CRYBG1: variants seen among roughly 807,000 people sequenced by gnomAD.
CRYBG1 encodes crystallin beta-gamma domain containing 1.
A neutral mutation model predicts 189.2 loss-of-function variants in CRYBG1; 139 were observed. The ratio of observed to expected loss-of-function variants is 0.73; its 90% CI spans 0.64 to 0.85. The LOEUF (loss-of-function observed/expected upper bound fraction) is 0.85. Ranked by LOEUF, CRYBG1 falls within the 40% of genes least tolerant of loss-of-function variation. The probability of loss-of-function intolerance (pLI) is 0.00; values close to 1 mark genes in which losing one functional copy is unlikely to be tolerated. For missense variants in CRYBG1, 2,611 were observed against 2,675.8 expected (o/e 0.98, Z 0.53); for synonymous variants, 1,023 against 1,017.1 (o/e 1.01, Z -0.11).
chr6:106,458,440 G>A (rs1324006214), intron 2 of CRYBG1, among the ~76,000 whole-genome samples: 2 of 151,996 alleles, frequency 1.3e-5, no homozygotes, highest in Non-Finnish European at 2.9e-5. Context: ...CCCCTGTGTT[G>A]CCACTTACCT....
Position 106,360,871 on chromosome 6 carries a change from C to A in CRYBG1, c.-38C>A. On this transcript the variant is annotated 5_prime_UTR_variant, in exon 1 of 22. Coordinates refer to ENST00000633556, the MANE Select transcript of CRYBG1 (RefSeq NM_001371242.2). The stretch of plus-strand genomic sequence containing the variant: ...CATAGGGCCCGGGCGGCAGAGAGGA[C>A]CGCGTCCCGGCAGTCGGAGCGGGAG... 6.7e-7 allele frequency: 1 copy of A among 1,503,556 alleles called. No homozygotes were observed. Among genetic ancestry groups the A allele is most frequent in the East Asian group, 2.5e-5 (1 of 39,610 alleles). 93.1% of individuals were successfully genotyped at this position (1,503,556 alleles called of 1,614,324 possible).
chr6:106,447,518 T>G (rs954924455), intron 1 of CRYBG1, among the ~76,000 whole-genome samples: 5 of 148,184 alleles, frequency 3.4e-5, no homozygotes. Context: ...TTATTACACT[T>G]TGAATGCTTG....
rs143572559 is a variant in CRYBG1 at position 106,572,014 on chromosome 6, A to C, written c.*3448A>C. ...TTTTTATTTAAACAACATTAATTAC[A>C]GTCTTTCCTCGTGCGTGTCCTCTTT... is the stretch of plus-strand genomic sequence containing the variant. On this transcript the variant is annotated 3_prime_UTR_variant, in exon 22 of 22. Coordinates refer to ENST00000633556, the MANE Select transcript of CRYBG1 (RefSeq NM_001371242.2). 5 of 1,612,092 alleles carry C rather than the reference A, an allele frequency of 3.1e-6. No homozygotes were observed. Among genetic ancestry groups the C allele is most frequent in the Non-Finnish European group, 4.2e-6 (5 of 1,178,386 alleles).
chr6:106,442,322 G>A (rs1270849135), intron 1 of CRYBG1, among the ~76,000 whole-genome samples: 1 of 152,302 alleles, frequency 6.6e-6, no homozygotes, highest in East Asian at 1.9e-4. Flanking sequence ...ATTAACTAAG[G>A]CAGACGAGTT....
intron 2 of CRYBG1, among the ~76,000 whole-genome samples, chr6:106,496,143 G>A (rs1772846284): frequency 6.6e-6 from 1 of 152,108 alleles, no homozygotes; most frequent in South Asian, 2.1e-4. Context: ...TGGAGACACT[G>A]GGCTTCTTAC....
intron 9 of CRYBG1, among the ~76,000 whole-genome samples, chr6:106,540,093 G>C (rs564676374): frequency 6.6e-6 from 1 of 152,256 alleles, no homozygotes; most frequent in East Asian, 1.9e-4. Flanking sequence ...TCTGGGGCTG[G>C]ACCAGATGAG....
In CRYBG1 at chr6:106,360,792, G is replaced by C; in HGVS notation, c.-117G>C. On this transcript the variant is annotated 5_prime_UTR_variant, in exon 1 of 22. Coordinates refer to ENST00000633556, the MANE Select transcript of CRYBG1 (RefSeq NM_001371242.2). ...CCCCGCATCCGCGACGAGGGGGCGG[G>C]GTCCCACGGCGCGCTGAGAAAGGCG... 1 of 1,241,036 alleles carries C rather than the reference G, an allele frequency of 8.1e-7. No individual in the cohort carries two copies. The highest frequency in any genetic ancestry group is 1.1e-6 in the Non-Finnish European group (1 of 937,404). The allele number at this position is 1,241,036 out of a possible 1,614,324, so 76.9% of individuals were successfully genotyped here.
chr6:106,492,407 A>G (rs1772744265), intron 2 of CRYBG1, among the ~76,000 whole-genome samples: 1 of 152,192 alleles, frequency 6.6e-6, no homozygotes, highest in Non-Finnish European at 1.5e-5. Context: ...TTATAATATG[A>G]ATGATTGTTA....
intron 1 of CRYBG1, among the ~76,000 whole-genome samples, chr6:106,394,783 A>G (rs1770572696): frequency 6.6e-6 from 1 of 152,174 alleles, no homozygotes; most frequent in African/African-American, 2.4e-5. Context: ...AAAGAAGAAA[A>G]GAAGAATATC....
chr6:106,370,072 T>C (rs1030034296), intron 1 of CRYBG1, among the ~76,000 whole-genome samples: 1 of 152,178 alleles, frequency 6.6e-6, no homozygotes, highest in South Asian at 2.1e-4. Context: ...AAAATACATA[T>C]GATAAATTAA....
At position 106,542,855 on chromosome 6, in the gene CRYBG1, C is replaced by T. The variant is rs1330427267; in HGVS notation, c.4882-585C>T. 2.2e-5 allele frequency among the ~76,000 whole-genome samples: 3 copies of T among 139,136 alleles called. No individual in the cohort carries two copies. In the Admixed American group the frequency reaches 2.2e-4, roughly 10 times the overall value. The allele number at this position is 139,136 out of a possible 152,430, so 91.3% of individuals were successfully genotyped here. On this transcript the variant is annotated intron_variant, in intron 10 of 21. Coordinates refer to ENST00000633556, the MANE Select transcript of CRYBG1 (RefSeq NM_001371242.2). ...GCAGAGATGGGGTTTCACCATATTGCCCAGGTTGGTCTCAAACTCCTGAGC... is the reference window on the plus strand; with the variant it reads ...GCAGAGATGGGGTTTCACCATATTGTCCAGGTTGGTCTCAAACTCCTGAGC...
At chr6:106,391,928 C>CGTGTGTGTGTGT (rs57024907) in intron 1 of CRYBG1, among the ~76,000 whole-genome samples, 2 of 131,302 alleles carry the variant, frequency 1.5e-5, no homozygotes, top group African/African-American at 5.9e-5. Context: ...TTGTTTAAAA[C>CGTGTGTGTGTGT]GTGTGTGTGT....
intron 1 of CRYBG1, among the ~76,000 whole-genome samples, chr6:106,366,022 A>G (rs1193674474): frequency 3.9e-5 from 6 of 152,198 alleles, no homozygotes; most frequent in Non-Finnish European, 7.3e-5. Flanking sequence ...TTATATCACT[A>G]GAATGTTGTA....
rs144026708 is a variant in CRYBG1 at position 106,516,500 on chromosome 6, T to C, written c.1923-2631T>C. Among the ~76,000 whole-genome samples, 653 of 152,182 alleles carry C rather than the reference T, an allele frequency of 4.3e-3. 5 individuals carry two copies. The highest frequency in any genetic ancestry group is 0.015 in the African/African-American group (632 of 41,538). Reference sequence around the variant, plus strand: ...CCACCCGCTTTGGCCTCCCAAAGTGTAGGGATTACAAGCATGAGCCACCAC... The same window carrying C: ...CCACCCGCTTTGGCCTCCCAAAGTGCAGGGATTACAAGCATGAGCCACCAC... On this transcript the variant is annotated intron_variant, in intron 3 of 21. Coordinates refer to ENST00000633556, the MANE Select transcript of CRYBG1 (RefSeq NM_001371242.2).
At chr6:106,428,206 G>A (rs1482668294) in intron 1 of CRYBG1, among the ~76,000 whole-genome samples, 2 of 151,962 alleles carry the variant, frequency 1.3e-5, no homozygotes, top group African/African-American at 2.4e-5. Flanking sequence ...TATTCACTGT[G>A]GTAAGTCACA....
At chr6:106,392,656 C>G (rs4946747) in intron 1 of CRYBG1, among the ~76,000 whole-genome samples, 131,310 of 152,290 alleles carry the variant, frequency 0.86, 56,691 homozygotes, top group East Asian at 0.95. Context: ...TATAAAATAG[C>G]AAGAAGGAAG....
At chr6:106,508,642 G>A (rs1433365631) in intron 2 of CRYBG1, among the ~76,000 whole-genome samples, 1 of 152,218 alleles carries the variant, frequency 6.6e-6, no homozygotes, top group African/African-American at 2.4e-5. Context: ...ACATGTTTCA[G>A]AAGTCTGTTC....
chr6:106,384,055 G>A (rs970787847), intron 1 of CRYBG1, among the ~76,000 whole-genome samples: 2 of 152,336 alleles, frequency 1.3e-5, no homozygotes, highest in African/African-American at 4.8e-5. Flanking sequence ...GACAGCAGGT[G>A]TGAACTCAGC....
intron 1 of CRYBG1, among the ~76,000 whole-genome samples, chr6:106,415,289 G>A (rs1421899910): frequency 6.6e-6 from 1 of 152,240 alleles, no homozygotes; most frequent in Non-Finnish European, 1.5e-5. Flanking sequence ...AGTGGATTAT[G>A]TAATTCTGTG....
Sources: gnomAD v4.1 joint callset for allele counts (sites outside exome capture counted in the v4.1 genomes callset) on GRCh38, gnomAD v4.1.1 for gene constraint, MANE v1.5 for transcripts, NCBI Gene and HGNC (gene_info 2026-07-23, HGNC 2026-07-21) for gene names.